NSMCE2: variants seen among roughly 807,000 people sequenced by gnomAD.
NSMCE2 encodes NSE2 SUMO ligase component of SMC5/6 complex, also known as E3 SUMO-protein ligase NSE2.
A neutral mutation model predicts 23.8 loss-of-function variants in NSMCE2; 24 were observed. That is an observed-to-expected ratio of 1.01 (90% CI 0.73 to 1.42). The LOEUF is 1.42. Ranked by LOEUF, NSMCE2 falls within the 40% of genes most tolerant of loss-of-function variation. NSMCE2 has a pLI of 0.00. For missense variants in NSMCE2, 284 were observed against 296.5 expected (o/e 0.96, Z 0.31); for synonymous variants, 92 against 94.1 (o/e 0.98, Z 0.13).
intron 3 of NSMCE2, among the ~76,000 whole-genome samples, chr8:125,110,759 G>GTTTTTT (rs1387354813): frequency 1.0e-4 from 6 of 58,128 alleles, no homozygotes; most frequent in African/African-American, 4.4e-4. Flanking sequence ...TTTGGTTGTT[G>GTTTTTT]TTGTTTTTTT....
At chr8:125,113,438 C>T (rs1028062289) in intron 3 of NSMCE2, among the ~76,000 whole-genome samples, 4 of 152,024 alleles carry the variant, frequency 2.6e-5, no homozygotes, top group African/African-American at 9.7e-5. Context: ...TATGATTATA[C>T]CACTACACTT....
chr8:125,120,046 AAT>A (rs1043282348), intron 3 of NSMCE2, among the ~76,000 whole-genome samples: 2 of 152,204 alleles, frequency 1.3e-5, no homozygotes, highest in African/African-American at 2.4e-5. Context: ...TATTTAAACA[AAT>A]ATGTCTAAAA....
At chr8:125,330,897 G>A (rs2131297950) in intron 5 of NSMCE2, among the ~76,000 whole-genome samples, 1 of 152,314 alleles carries the variant, frequency 6.6e-6, no homozygotes, top group South Asian at 2.1e-4. Flanking sequence ...ATGTAATGCA[G>A]AGTCCACTGA....
chr8:125,230,171 A>G (rs1471855206), intron 5 of NSMCE2, among the ~76,000 whole-genome samples: 1 of 152,224 alleles, frequency 6.6e-6, no homozygotes, highest in African/African-American at 2.4e-5. Context: ...TCAAGCCTAA[A>G]CGTGTCTTCC....
chr8:125,201,489 T>A (rs923081763), intron 5 of NSMCE2, among the ~76,000 whole-genome samples: 4 of 152,240 alleles, frequency 2.6e-5, no homozygotes, highest in African/African-American at 9.6e-5. Flanking sequence ...TTTGCCTGGG[T>A]ATCACCAGCG....
chr8:125,238,418 A>G (rs1209740583), intron 5 of NSMCE2, among the ~76,000 whole-genome samples: 3 of 152,228 alleles, frequency 2.0e-5, no homozygotes, highest in South Asian at 2.1e-4. Flanking sequence ...CCATATTTCA[A>G]TAAATTATTA....
At chr8:125,301,511 G>A (rs565558748) in intron 5 of NSMCE2, among the ~76,000 whole-genome samples, 9 of 152,218 alleles carry the variant, frequency 5.9e-5, no homozygotes, top group African/African-American at 1.4e-4. Flanking sequence ...CTTATTCACC[G>A]AAAGTACTTG....
At chr8:125,203,265 A>G (rs1055337243) in intron 5 of NSMCE2, among the ~76,000 whole-genome samples, 2 of 151,860 alleles carry the variant, frequency 1.3e-5, no homozygotes, top group African/African-American at 4.8e-5. Flanking sequence ...GTATATATAT[A>G]ATTTTTTTAG....
intron 5 of NSMCE2, among the ~76,000 whole-genome samples, chr8:125,209,063 C>T (rs1342954133): frequency 6.6e-6 from 1 of 152,192 alleles, no homozygotes; most frequent in Non-Finnish European, 1.5e-5. Context: ...CCCCTCGTCT[C>T]AGTCTCCTGA....
At chr8:125,166,976 C>T (rs1821917911) in intron 4 of NSMCE2, among the ~76,000 whole-genome samples, 1 of 152,220 alleles carries the variant, frequency 6.6e-6, no homozygotes, top group African/African-American at 2.4e-5. Flanking sequence ...TGCCACTGCA[C>T]TCCAGCCTGG....
chr8:125,203,303 C>A (rs918349158), intron 5 of NSMCE2, among the ~76,000 whole-genome samples: 5 of 151,870 alleles, frequency 3.3e-5, no homozygotes, highest in African/African-American at 1.2e-4. Flanking sequence ...AACCTGTTTG[C>A]CAGATTATAG....
intron 5 of NSMCE2, among the ~76,000 whole-genome samples, chr8:125,340,012 G>GTT (rs752038710): frequency 0.15 from 15,061 of 102,490 alleles, 2,041 homozygotes; most frequent in East Asian, 0.4. Flanking sequence ...GTTTTTTTTT[G>GTT]TTTTTTTTTT....
chr8:125,309,780 C>T (rs1056238142), intron 5 of NSMCE2, among the ~76,000 whole-genome samples: 2 of 152,082 alleles, frequency 1.3e-5, no homozygotes, highest in African/African-American at 2.4e-5. Flanking sequence ...CACATGAGGC[C>T]GTGGACTTCT....
intron 5 of NSMCE2, among the ~76,000 whole-genome samples, chr8:125,254,639 T>A (rs1826333753): frequency 6.6e-6 from 1 of 152,190 alleles, no homozygotes; most frequent in African/African-American, 2.4e-5. Context: ...ATAATTTGAT[T>A]GGCTTGTAAA....
intron 5 of NSMCE2, among the ~76,000 whole-genome samples, chr8:125,349,583 TA>T (rs11359401): frequency 0.71 from 102,582 of 143,742 alleles, 36,219 homozygotes; most frequent in African/African-American, 0.73. Context: ...AGCTTGTATT[TA>T]AAAAAAAAAA....
At chr8:125,322,180 A>G (rs950500675) in intron 5 of NSMCE2, among the ~76,000 whole-genome samples, 1 of 152,132 alleles carries the variant, frequency 6.6e-6, no homozygotes, top group African/African-American at 2.4e-5. Context: ...CAACCTGGGC[A>G]ACATAGCAAG....
intron 5 of NSMCE2, among the ~76,000 whole-genome samples, chr8:125,244,204 G>A (rs1487113010): frequency 6.6e-6 from 1 of 152,012 alleles, no homozygotes; most frequent in Non-Finnish European, 1.5e-5. Flanking sequence ...AGACAAAAGA[G>A]TCCAAGGAGA....
At chr8:125,298,686 G>GGTTTTTT (rs1563770224) in intron 5 of NSMCE2, among the ~76,000 whole-genome samples, 1 of 114,856 alleles carries the variant, frequency 8.7e-6, no homozygotes. Context: ...TTCATCTGTG[G>GGTTTTTT]GTTTTTTTTT....
At chr8:125,236,641 T>G (rs1047672794) in intron 5 of NSMCE2, among the ~76,000 whole-genome samples, 46 of 152,126 alleles carry the variant, frequency 3.0e-4, no homozygotes, top group Admixed American at 2.0e-4. Context: ...AGAAAGGAAC[T>G]TAGACTTTTT....
Sources: gnomAD v4.1 joint callset for allele counts (sites outside exome capture counted in the v4.1 genomes callset) on GRCh38, gnomAD v4.1.1 for gene constraint, MANE v1.5 for transcripts, NCBI Gene and HGNC (gene_info 2026-07-23, HGNC 2026-07-21) for gene names.